The following GRXCR2 variants were observed in gnomAD, a reference collection of about 807,000 sequenced individuals.
GRXCR2 encodes glutaredoxin and cysteine rich domain containing 2, also known as glutaredoxin domain-containing cysteine-rich protein 2.
In GRXCR2, 23 loss-of-function variants were observed where a neutral mutation model predicts 24.8. The ratio of observed to expected loss-of-function variants is 0.93; its 90% CI spans 0.67 to 1.32. The LOEUF (loss-of-function observed/expected upper bound fraction) is 1.32. Among genes scored for constraint, GRXCR2 ranks in the 40% most tolerant of loss-of-function variants. The pLI is 0.00. For synonymous variants in GRXCR2, 130 were observed against 116.1 expected (o/e 1.12, Z -0.77); for missense variants, 315 against 303.4 (o/e 1.04, Z -0.28).
intron 2 of GRXCR2, among the ~76,000 whole-genome samples, chr5:145,925,578 T>C (rs1341685898): frequency 6.6e-6 from 1 of 152,098 alleles, no homozygotes; most frequent in Non-Finnish European, 1.5e-5. Flanking sequence ...AAATGAGTCA[T>C]CCTCATCACT....
At chr5:145,898,504 C>T (rs1756981115) in intron 2 of GRXCR2, among the ~76,000 whole-genome samples, 1 of 152,016 alleles carries the variant, frequency 6.6e-6, no homozygotes, top group African/African-American at 2.4e-5. Flanking sequence ...AGGCCAATAT[C>T]CCTGATGAAT....
At chr5:145,883,589 G>A (rs537249919) in intron 2 of GRXCR2, among the ~76,000 whole-genome samples, 1 of 152,232 alleles carries the variant, frequency 6.6e-6, no homozygotes, top group Non-Finnish European at 1.5e-5. Flanking sequence ...AAATTCAATG[G>A]GTTATTGAAA....
At chr5:145,889,659 G>GA (rs1756833673) in intron 2 of GRXCR2, among the ~76,000 whole-genome samples, 1 of 152,176 alleles carries the variant, frequency 6.6e-6, no homozygotes, top group African/African-American at 2.4e-5. Flanking sequence ...CTGCCACCAT[G>GA]AAAAATCTGA....
At chr5:145,918,897 C>T (rs1197710159) in intron 2 of GRXCR2, among the ~76,000 whole-genome samples, 1 of 152,186 alleles carries the variant, frequency 6.6e-6, no homozygotes, top group East Asian at 1.9e-4. Flanking sequence ...GCCAAACAGA[C>T]TTGGTTCCCT....
At chr5:145,866,231 G>C (rs1053151281) in intron 2 of GRXCR2, among the ~76,000 whole-genome samples, 21 of 151,548 alleles carry the variant, frequency 1.4e-4, no homozygotes, top group Admixed American at 1.2e-3. Flanking sequence ...ACACTGCACA[G>C]TGAAAACAAT....
chr5:145,917,241 G>T (rs1455707273), intron 2 of GRXCR2, among the ~76,000 whole-genome samples: 1 of 150,956 alleles, frequency 6.6e-6, no homozygotes, highest in Non-Finnish European at 1.5e-5. Context: ...CCCCAAAGTG[G>T]ATTCCAAAGG....
intron 2 of GRXCR2, among the ~76,000 whole-genome samples, chr5:145,880,815 A>G (rs1434409875): frequency 6.6e-6 from 1 of 152,220 alleles, no homozygotes; most frequent in Non-Finnish European, 1.5e-5. Flanking sequence ...GTAGCACCTC[A>G]AAAATCTTAT....
chr5:145,928,023 C>G (rs1274179688), intron 2 of GRXCR2, among the ~76,000 whole-genome samples: 1 of 151,932 alleles, frequency 6.6e-6, no homozygotes, highest in African/African-American at 2.4e-5. Flanking sequence ...GGCTAATATC[C>G]AGAATCTACA....
intron 2 of GRXCR2, among the ~76,000 whole-genome samples, chr5:145,923,452 A>C (rs1201967043): frequency 6.6e-6 from 1 of 152,210 alleles, no homozygotes; most frequent in Non-Finnish European, 1.5e-5. Flanking sequence ...GAATACTTTC[A>C]TGGAGCTCCC....
upstream of GRXCR2, among the ~76,000 whole-genome samples, chr5:145,877,606 G>T (rs552743559): frequency 1.3e-5 from 2 of 152,184 alleles, no homozygotes; most frequent in African/African-American, 2.4e-5. Flanking sequence ...CAAGATGGCC[G>T]AATAGGAACA....
chr5:145,888,349 A>G (rs1163586996), intron 2 of GRXCR2, among the ~76,000 whole-genome samples: 1 of 152,174 alleles, frequency 6.6e-6, no homozygotes, highest in African/African-American at 2.4e-5. Context: ...CAAACAATGT[A>G]AGCCTTCTCC....
intron 2 of GRXCR2, among the ~76,000 whole-genome samples, chr5:145,892,959 G>T (rs1028164854): frequency 2.6e-5 from 4 of 152,226 alleles, no homozygotes; most frequent in Non-Finnish European, 4.4e-5. Context: ...CAAGCCAGAA[G>T]AGAGTGGGGG....
At chr5:145,895,990 C>T (rs576510268) in intron 2 of GRXCR2, among the ~76,000 whole-genome samples, 1 of 152,130 alleles carries the variant, frequency 6.6e-6, no homozygotes, top group Non-Finnish European at 1.5e-5. Flanking sequence ...TATCTACAAC[C>T]ATCTGATCTT....
chr5:145,873,792 A>G (rs1008266830), upstream of GRXCR2, among the ~76,000 whole-genome samples: 2 of 152,230 alleles, frequency 1.3e-5, no homozygotes, highest in African/African-American at 2.4e-5. Context: ...TCACAGCACA[A>G]GTCCCCATTG....
chr5:145,891,286 G>A lies in GRXCR2; in HGVS notation c.-69-24558C>T, dbSNP rs1242767126. 2.6e-5 allele frequency among the ~76,000 whole-genome samples: 4 copies of A among 152,274 alleles called. No individual in the cohort carries two copies. In the East Asian group the frequency reaches 5.8e-4, roughly 22 times the overall value. On this transcript the variant is annotated intron_variant, in intron 2 of 3. Coordinates refer to the GRXCR2 transcript ENST00000639411. ...CACTGGGGAATGTCAGACAGTGGGT[G>A]CAGGACAGTGGGTTCAGCACACCGA...
chr5:145,929,198 C>CATATATATATATATAT (rs1554107328), intron 2 of GRXCR2, among the ~76,000 whole-genome samples: 888 of 88,258 alleles, frequency 0.01, 45 homozygotes, highest in South Asian at 0.015. Context: ...AATATTCCCC[C>CATATATATATATATAT]CTATATATAT....
intron 2 of GRXCR2, among the ~76,000 whole-genome samples, chr5:145,905,442 C>T (rs754530648): frequency 6.6e-6 from 1 of 152,170 alleles, no homozygotes; most frequent in Non-Finnish European, 1.5e-5. Context: ...GTTTGTTATT[C>T]ATTCATTTTT....
intron 2 of GRXCR2, among the ~76,000 whole-genome samples, chr5:145,912,046 G>A (rs1157170364): frequency 6.6e-6 from 1 of 152,194 alleles, no homozygotes; most frequent in Non-Finnish European, 1.5e-5. Flanking sequence ...GCAGTGAGCT[G>A]TGATTGTGCC....
chr5:145,881,471 G>T (rs1216838689), intron 2 of GRXCR2, among the ~76,000 whole-genome samples: 1 of 152,132 alleles, frequency 6.6e-6, no homozygotes, highest in Non-Finnish European at 1.5e-5. Context: ...ACTTACAAGG[G>T]ATGTGAAGGA....
Sources: gnomAD v4.1 joint callset for allele counts (sites outside exome capture counted in the v4.1 genomes callset) on GRCh38, gnomAD v4.1.1 for gene constraint, MANE v1.5 for transcripts, NCBI Gene and HGNC (gene_info 2026-07-23, HGNC 2026-07-21) for gene names.